The following KCNMA1 variants were observed in gnomAD, a reference collection of about 807,000 sequenced individuals.
KCNMA1 encodes Calcium-activated potassium channel subunit alpha-1.
KCNMA1 carries 29 observed loss-of-function variants against 140.0 expected under a neutral mutation model. The observed-to-expected ratio is 0.21, with a 90% CI of 0.15 to 0.28. The LOEUF (loss-of-function observed/expected upper bound fraction) is 0.28, where lower values mean the gene tolerates loss of function less well. Among genes scored for constraint, KCNMA1 ranks in the 10% least tolerant of loss-of-function variants. The probability of loss-of-function intolerance (pLI) is 1.00; values close to 1 mark genes in which losing one functional copy is unlikely to be tolerated. For synonymous variants in KCNMA1, 612 were observed against 611.9 expected (o/e 1.00, Z 0.00); for missense variants, 880 against 1,602.2 (o/e 0.55, Z 7.70).
chr10:77,630,036 A>G (rs1164674678), intron 1 of KCNMA1, among the ~76,000 whole-genome samples: 1 of 152,234 alleles, frequency 6.6e-6, no homozygotes, highest in East Asian at 1.9e-4. Flanking sequence ...ATTCTTAAGA[A>G]GTGCATTGGA....
chr10:77,237,466 T>A (rs1258956631), intron 3 of KCNMA1, among the ~76,000 whole-genome samples: 2 of 152,138 alleles, frequency 1.3e-5, no homozygotes, highest in Admixed American at 1.3e-4. Flanking sequence ...TTTGCAAAAT[T>A]GTTTTTTTAA....
chr10:77,016,891 G>A (rs542642383), intron 17 of KCNMA1, among the ~76,000 whole-genome samples: 12 of 151,894 alleles, frequency 7.9e-5, no homozygotes, highest in African/African-American at 1.9e-4. Context: ...AACTCGATAC[G>A]AGATCATCAT....
intron 1 of KCNMA1, among the ~76,000 whole-genome samples, chr10:77,410,229 A>T (rs1356076468): frequency 6.6e-6 from 1 of 152,132 alleles, no homozygotes; most frequent in African/African-American, 2.4e-5. Flanking sequence ...CATGCTGGGC[A>T]CACCCTCCCT....
Position 77,088,649 on chromosome 10 carries a change from G to C in KCNMA1, c.1334+1751C>G, listed in dbSNP as rs972678307. On this transcript the variant is annotated intron_variant, in intron 10 of 27. Coordinates refer to ENST00000286628, the MANE Select transcript of KCNMA1 (RefSeq NM_001161352.2). ...TCACTGTGTTGCCCAAGCTGGTCTTGAACTCCTGAGCTCAAGTGATCTTCC... is the reference window on the plus strand; with the variant it reads ...TCACTGTGTTGCCCAAGCTGGTCTTCAACTCCTGAGCTCAAGTGATCTTCC... 4.6e-5 allele frequency among the ~76,000 whole-genome samples: 7 copies of C among 151,974 alleles called. 1 individual carries two copies. Among genetic ancestry groups the C allele is most frequent in the Admixed American group, 4.6e-4 (7 of 15,282 alleles).
chr10:77,421,341 T>C (rs977122332), intron 1 of KCNMA1, among the ~76,000 whole-genome samples: 7 of 152,222 alleles, frequency 4.6e-5, no homozygotes, highest in African/African-American at 7.2e-5. Context: ...TATCAGTCAA[T>C]AAAACCTTCC....
At chr10:76,927,634 G>T (rs974675643) in intron 23 of KCNMA1, among the ~76,000 whole-genome samples, 1 of 152,152 alleles carries the variant, frequency 6.6e-6, no homozygotes, top group Non-Finnish European at 1.5e-5. Flanking sequence ...ACAGCTTGTC[G>T]AGAGAAAGCC....
chr10:77,287,612 C>T (rs2071498670), intron 2 of KCNMA1, among the ~76,000 whole-genome samples: 3 of 152,146 alleles, frequency 2.0e-5, no homozygotes, highest in African/African-American at 7.2e-5. Flanking sequence ...AAAGTATTTC[C>T]AAATCACAAG....
At chr10:77,622,021 T>C (rs142220078) in intron 1 of KCNMA1, among the ~76,000 whole-genome samples, 492 of 152,272 alleles carry the variant, frequency 3.2e-3, no homozygotes, top group Non-Finnish European at 6.1e-3. Context: ...ATAAAATACA[T>C]TTATATGTCA....
intron 3 of KCNMA1, among the ~76,000 whole-genome samples, chr10:77,201,360 G>C (rs931227623): frequency 6.6e-6 from 1 of 152,154 alleles, no homozygotes; most frequent in African/African-American, 2.4e-5. Context: ...CATGAAGCCA[G>C]GCCAAGTGTA....
intron 20 of KCNMA1, among the ~76,000 whole-genome samples, chr10:76,960,817 C>T (rs1036332318): frequency 1.3e-5 from 2 of 151,926 alleles, no homozygotes; most frequent in Non-Finnish European, 2.9e-5. Context: ...GCTTTGAAGT[C>T]AGGCATTTAC....
At chr10:77,303,091 A>G (rs190985095) in intron 2 of KCNMA1, among the ~76,000 whole-genome samples, 39 of 152,234 alleles carry the variant, frequency 2.6e-4, no homozygotes, top group African/African-American at 9.1e-4. Flanking sequence ...TCCATGTTTG[A>G]GGTGGAAATA....
At chr10:76,881,797 A>C (rs1026963367), downstream of KCNMA1, among the ~76,000 whole-genome samples, 1 of 152,138 alleles carries the variant, frequency 6.6e-6, no homozygotes, top group Non-Finnish European at 1.5e-5. Flanking sequence ...GGATTGTGGC[A>C]GCAGAGGTGA....
intron 25 of KCNMA1, among the ~76,000 whole-genome samples, chr10:76,908,082 T>A (rs2048523931): frequency 1.3e-5 from 2 of 152,326 alleles, no homozygotes; most frequent in South Asian, 4.1e-4. Flanking sequence ...TCTTCTGAGA[T>A]CTCTGTAATT....
intron 2 of KCNMA1, among the ~76,000 whole-genome samples, chr10:77,367,673 C>T (rs2094448029): frequency 6.6e-6 from 1 of 152,166 alleles, no homozygotes; most frequent in Non-Finnish European, 1.5e-5. Flanking sequence ...AACAACTCTG[C>T]CCCAAAAACT....
chr10:77,557,623 A>G (rs948533104), intron 1 of KCNMA1, among the ~76,000 whole-genome samples: 1 of 151,246 alleles, frequency 6.6e-6, no homozygotes, highest in African/African-American at 2.4e-5. Flanking sequence ...CAGGTTAAGA[A>G]ATTCAGACTG....
intron 3 of KCNMA1, among the ~76,000 whole-genome samples, chr10:77,187,345 A>C (rs2098876985): frequency 6.6e-6 from 1 of 152,162 alleles, no homozygotes; most frequent in Non-Finnish European, 1.5e-5. Flanking sequence ...ATCCCTCCTC[A>C]TAATGCTTAT....
chr10:77,291,624 C>A (rs1472493183), intron 2 of KCNMA1, among the ~76,000 whole-genome samples: 1 of 152,074 alleles, frequency 6.6e-6, no homozygotes. Context: ...AGTCGCCTTC[C>A]GTGGAGAATA....
intron 1 of KCNMA1, among the ~76,000 whole-genome samples, chr10:77,501,056 C>T (rs1478175368): frequency 1.3e-5 from 2 of 152,236 alleles, no homozygotes; most frequent in African/African-American, 4.8e-5. Context: ...AAGGCTAAGA[C>T]CCACCAAGGC....
chr10:77,193,768 T>C (rs1462558899), intron 3 of KCNMA1, among the ~76,000 whole-genome samples: 2 of 151,994 alleles, frequency 1.3e-5, no homozygotes, highest in Admixed American at 6.5e-5. Flanking sequence ...GATGAGGTGA[T>C]TAGAAATGGG....
Sources: gnomAD v4.1 joint callset for allele counts (sites outside exome capture counted in the v4.1 genomes callset) on GRCh38, gnomAD v4.1.1 for gene constraint, MANE v1.5 for transcripts, NCBI Gene and HGNC (gene_info 2026-07-23, HGNC 2026-07-21) for gene names.